The following SHANK2 variants were observed in gnomAD, a reference collection of about 807,000 sequenced individuals.
The protein encoded by SHANK2 is SH3 and multiple ankyrin repeat domains protein 2.
A neutral mutation model predicts 133.7 loss-of-function variants in SHANK2; 43 were observed. The ratio of observed to expected loss-of-function variants is 0.32; its 90% CI spans 0.25 to 0.41. SHANK2 has a LOEUF of 0.41. Among genes scored for constraint, SHANK2 ranks in the 10% least tolerant of loss-of-function variants. The pLI is 1.00. For missense variants in SHANK2, 1,994 were observed against 2,235.8 expected (o/e 0.89, Z 2.18); for synonymous variants, 1,017 against 952.8 (o/e 1.07, Z -1.24).
intron 10 of SHANK2, among the ~76,000 whole-genome samples, chr11:70,910,183 T>G (rs1467769098): frequency 6.6e-6 from 1 of 152,182 alleles, no homozygotes; most frequent in African/African-American, 2.4e-5. Context: ...ACAGTCACAT[T>G]CAGAGGTACT....
rs529143747 is a variant in SHANK2 at position 71,189,697 on chromosome 11, C to T, written c.-13+35000G>A. Among the ~76,000 whole-genome samples, 181 of 152,374 alleles carry T rather than the reference C, an allele frequency of 1.2e-3. 3 individuals are homozygous for T. The highest frequency in any genetic ancestry group is 4.2e-3 in the African/African-American group (176 of 41,594). ...GTGAGCCACCGTGCCTGGCCATGGT[C>T]CCAACTTTACCATGAGCCCACCAAC... On this transcript the variant is annotated intron_variant, in intron 2 of 25. Coordinates refer to ENST00000601538, the MANE Select transcript of SHANK2 (RefSeq NM_012309.5).
chr11:70,628,911 G>A (rs1375657116), intron 17 of SHANK2, among the ~76,000 whole-genome samples: 7 of 152,238 alleles, frequency 4.6e-5, no homozygotes, highest in Non-Finnish European at 7.3e-5. Flanking sequence ...GGGCTGCAGC[G>A]CGGCAAGGCA....
chr11:70,800,242 T>C (rs1948015545), intron 13 of SHANK2, among the ~76,000 whole-genome samples: 1 of 152,062 alleles, frequency 6.6e-6, no homozygotes, highest in South Asian at 2.1e-4. Context: ...CCCAGGCTGG[T>C]TTCAAAACCC....
intron 3 of SHANK2, among the ~76,000 whole-genome samples, chr11:71,131,046 T>G (rs1555103587): frequency 1.3e-5 from 2 of 152,244 alleles, no homozygotes; most frequent in African/African-American, 4.8e-5. Context: ...AACACAAGCT[T>G]GGCAGGGGCC....
intron 17 of SHANK2, among the ~76,000 whole-genome samples, chr11:70,522,401 G>T (rs1554971186): frequency 6.6e-6 from 1 of 152,220 alleles, no homozygotes; most frequent in African/African-American, 2.4e-5. Context: ...AAGTACCAAA[G>T]GGGTGGCCAC....
rs1421606365 is a variant in SHANK2, at chr11:70,487,093, C to T, written c.3200G>A (p.Arg1067Gln). 1 of 1,610,668 alleles carries T rather than the reference C, an allele frequency of 6.2e-7. No homozygotes were observed. The highest frequency in any genetic ancestry group is 1.3e-5 in the African/African-American group (1 of 75,040). The stretch of plus-strand genomic sequence containing the variant: ...GCTGACGGTCAGGCTTTCGTCAGGC[C>T]GCAGCTGGCTCGGTGGCTCCGGGGC... ...PQAPEPPSQL[R>Q]PDESLTVSSP... The change falls in exon 25 of 26, where the codon CGG becomes CAG. Residue 1067 changes from arginine to glutamine, a missense_variant. By Grantham distance (43) the Arg-to-Gln change is conservative (BLOSUM62 1). Around this residue, in one of 5 missense-constraint regions of SHANK2, gnomAD observed 488 missense variants for 642.6 expected, o/e 0.76. Transcript: ENST00000601538. The surrounding 1 kb of genome is among the most constrained non-coding windows in gnomAD (Gnocchi z 5.8).
rs71049941 is a variant in SHANK2, at chr11:70,781,558, T to TTATTTATATA, written c.1777+16884_1777+16885insTATATAAATA. ...AAGCAGCTTGCAATTTACTTACTTA[T>TTATTTATATA]TATATATATATATATATATATATAT... On this transcript the variant is annotated intron_variant, in intron 14 of 25. Coordinates refer to ENST00000601538, the MANE Select transcript of SHANK2 (RefSeq NM_012309.5). Among the ~76,000 whole-genome samples the TTATTTATATA allele has an allele frequency of 1.1e-3, 33 of 28,964 alleles. 1 individual carries two copies. Among genetic ancestry groups the TTATTTATATA allele is most frequent in the South Asian group, 5.5e-3 (3 of 544 alleles). 19.0% of individuals were successfully genotyped at this position (28,964 alleles called of 152,430 possible).
intron 8 of SHANK2, among the ~76,000 whole-genome samples, chr11:71,080,383 C>T (rs957056049): frequency 6.6e-6 from 1 of 152,150 alleles, no homozygotes; most frequent in Non-Finnish European, 1.5e-5. Context: ...AAAAAGGGTG[C>T]TCCTTCCTTC....
chr11:70,826,436 T>A (rs1301392978), intron 11 of SHANK2: 1 of 470,788 alleles, frequency 2.1e-6, no homozygotes, highest in South Asian at 1.6e-5. Context: ...CTAATTCCCA[T>A]GCACCCGGCT....
chr11:70,862,406 C>G (rs1477773495), intron 11 of SHANK2, among the ~76,000 whole-genome samples: 3 of 151,968 alleles, frequency 2.0e-5, no homozygotes, highest in Non-Finnish European at 4.4e-5. Context: ...TGTGTAGTCT[C>G]TGGAATGGGC....
At chr11:70,537,233 C>G (rs1003438082) in intron 17 of SHANK2, among the ~76,000 whole-genome samples, 9 of 152,230 alleles carry the variant, frequency 5.9e-5, no homozygotes, top group African/African-American at 2.2e-4. Flanking sequence ...AACCTCCCCC[C>G]AGGATGCTCA....
chr11:70,578,490 G>A lies in SHANK2; in HGVS notation c.2062-75559C>T, dbSNP rs577457583. On this transcript the variant is annotated intron_variant, in intron 17 of 25. Coordinates refer to ENST00000601538, the MANE Select transcript of SHANK2 (RefSeq NM_012309.5). Reference sequence around the variant, plus strand: ...CCCATCCTGGACCACAGCATTGCACGGCCCAAGAGCTCGTGGCCACGACGG... The same window carrying A: ...CCCATCCTGGACCACAGCATTGCACAGCCCAAGAGCTCGTGGCCACGACGG... Among the ~76,000 whole-genome samples the A allele has an allele frequency of 1.7e-3, 261 of 152,302 alleles. 1 individual carries two copies. The highest frequency in any genetic ancestry group is 2.9e-3 in the Non-Finnish European group (195 of 68,024).
At chr11:71,108,052 G>A (rs1342342954) in intron 6 of SHANK2, among the ~76,000 whole-genome samples, 2 of 152,208 alleles carry the variant, frequency 1.3e-5, no homozygotes, top group Non-Finnish European at 2.9e-5. Flanking sequence ...TGAGAGCCAC[G>A]GCCAAAGGCT....
At chr11:70,513,252 G>C (rs1028103302) in intron 17 of SHANK2, among the ~76,000 whole-genome samples, 1 of 152,088 alleles carries the variant, frequency 6.6e-6, no homozygotes, top group Admixed American at 6.5e-5. Flanking sequence ...AGCAGCCAAA[G>C]TGAGGGGAGA....
chr11:70,816,212 C>T lies in SHANK2; in HGVS notation c.1493+4152G>A, dbSNP rs149754574. 3.9e-4 allele frequency among the ~76,000 whole-genome samples: 60 copies of T among 152,382 alleles called. No individual in the cohort carries two copies. In the East Asian group the frequency reaches 0.01, roughly 26 times the overall value. On this transcript the variant is annotated intron_variant, in intron 12 of 25. Coordinates refer to ENST00000601538, the MANE Select transcript of SHANK2 (RefSeq NM_012309.5). ...TGAAAGCCACTTAATCCACCCAGCA[C>T]ACTCGGGAGGGGGTGAAAGTCATCA... is the stretch of plus-strand genomic sequence containing the variant.
chr11:71,136,179 C>T (rs1952435195), intron 3 of SHANK2, among the ~76,000 whole-genome samples: 1 of 152,160 alleles, frequency 6.6e-6, no homozygotes, highest in Non-Finnish European at 1.5e-5. Flanking sequence ...AGAATCAGAA[C>T]AAGGCTCAAC....
chr11:70,658,208 AACACACACACACAC>A (rs782131753), intron 17 of SHANK2, among the ~76,000 whole-genome samples: 4 of 97,502 alleles, frequency 4.1e-5, no homozygotes, highest in African/African-American at 7.8e-5. Flanking sequence ...ACGCCCCCCC[AACACACACACACAC>A]ACACACACAC....
chr11:71,152,404 G>A (rs1354027641), intron 2 of SHANK2, among the ~76,000 whole-genome samples: 8 of 152,260 alleles, frequency 5.3e-5, no homozygotes, highest in South Asian at 2.1e-4. Flanking sequence ...GTGAGCCACC[G>A]CGCCTGGCCA....
chr11:70,619,327 C>A (rs376360692), intron 17 of SHANK2, among the ~76,000 whole-genome samples: 1 of 152,174 alleles, frequency 6.6e-6, no homozygotes, highest in African/African-American at 2.4e-5. Context: ...AAGCTCTCAG[C>A]GAGGGTCCTT....
Sources: gnomAD v4.1 joint callset for allele counts (sites outside exome capture counted in the v4.1 genomes callset) on GRCh38, gnomAD v4.1.1 for gene constraint, gnomAD v4.1.1 regional missense constraint, Gnocchi (gnomAD v3.1) non-coding constraint, MANE v1.5 for transcripts, NCBI Gene and HGNC (gene_info 2026-07-23, HGNC 2026-07-21) for gene names.